ANKFN1: variants seen among roughly 807,000 people sequenced by gnomAD.
ANKFN1 encodes the protein ankyrin repeat and fibronectin type III domain containing 1.
A neutral mutation model predicts 108.7 loss-of-function variants in ANKFN1; 74 were observed. The observed-to-expected ratio is 0.68, with a 90% CI of 0.56 to 0.83. ANKFN1 has a LOEUF of 0.83. Ranked by LOEUF, ANKFN1 falls within the 40% of genes least tolerant of loss-of-function variation. The probability of loss-of-function intolerance (pLI) is 0.00; values close to 1 mark genes in which losing one functional copy is unlikely to be tolerated. For missense variants in ANKFN1, 1,505 were observed against 1,382.3 expected (o/e 1.09, Z -1.41); for synonymous variants, 547 against 516.2 (o/e 1.06, Z -0.81).
Position 56,350,918 on chromosome 17 carries a change from C to T in ANKFN1, c.341C>T (p.Ala114Val), listed in dbSNP as rs2046231684. 3 of 1,613,610 alleles carry T rather than the reference C, an allele frequency of 1.9e-6. No individual in the cohort carries two copies. Among genetic ancestry groups the T allele is most frequent in the Admixed American group, 1.7e-5 (1 of 59,904 alleles). Residue 114 changes from alanine (A) to valine (V), a missense_variant, in exon 5 of 21, where the codon GCC (alanine) becomes GTC (valine). Transcript: ENST00000682825. ...GGGAGCCACTCTTCCTTCGATGAGG[C>T]CTATTTTAGGACAAGAACTGATCGG... ...LKGSHSSFDE[A>V]YFRTRTDRLS...
chr17:56,377,736 C>A (rs2144794806), intron 8 of ANKFN1, among the ~76,000 whole-genome samples: 2 of 152,320 alleles, frequency 1.3e-5, no homozygotes, highest in Middle Eastern at 3.4e-3. Flanking sequence ...AAAACATTTG[C>A]AAAAGTGATT....
intron 4 of ANKFN1, among the ~76,000 whole-genome samples, chr17:56,124,090 T>C (rs1374406675): frequency 1.1e-4 from 16 of 152,118 alleles, no homozygotes; most frequent in Admixed American, 9.8e-4. Flanking sequence ...AACTCTAAGG[T>C]CCATGTAAAT....
At chr17:56,214,181 G>T (rs1245395076) in intron 2 of ANKFN1, among the ~76,000 whole-genome samples, 1 of 152,182 alleles carries the variant, frequency 6.6e-6, no homozygotes, top group African/African-American at 2.4e-5. Flanking sequence ...AGGTCTCTTT[G>T]TCATATCCTG....
intron 1 of ANKFN1, among the ~76,000 whole-genome samples, chr17:56,181,735 T>C (rs1432278505): frequency 1.3e-5 from 2 of 152,206 alleles, no homozygotes; most frequent in Non-Finnish European, 2.9e-5. Context: ...TACGTATATA[T>C]GTTTTTATAT....
chr17:56,503,133 C>T (rs550730516), intron 20 of ANKFN1, among the ~76,000 whole-genome samples: 129 of 3,396 alleles, frequency 0.038, no homozygotes, highest in African/African-American at 0.14. Flanking sequence ...CAGGCAGCAG[C>T]AATTTTTTTT....
intron 16 of ANKFN1, among the ~76,000 whole-genome samples, chr17:56,478,450 T>C (rs1188055839): frequency 6.6e-6 from 1 of 152,202 alleles, no homozygotes; most frequent in East Asian, 1.9e-4. Flanking sequence ...TCTAACCCTC[T>C]GGCCTGAGGA....
chr17:56,292,729 GA>G (rs150020275), intron 3 of ANKFN1, among the ~76,000 whole-genome samples: 340 of 150,548 alleles, frequency 2.3e-3, no homozygotes, highest in South Asian at 5.9e-3. Flanking sequence ...GATTTAGGGG[GA>G]AAAAAAAACC....
At chr17:56,159,033 CAAAAAAAAAAA>C (rs57878541) in intron 1 of ANKFN1, among the ~76,000 whole-genome samples, 1 of 71,016 alleles carries the variant, frequency 1.4e-5, no homozygotes, top group Admixed American at 2.0e-4. Flanking sequence ...TGGTCTAGGC[CAAAAAAAAAAA>C]AAAAAAAAAA....
chr17:56,286,113 C>T (rs2044210329), intron 3 of ANKFN1, among the ~76,000 whole-genome samples: 1 of 152,154 alleles, frequency 6.6e-6, no homozygotes, highest in African/African-American at 2.4e-5. Context: ...GCTGGTCCAT[C>T]CTTCAAGTCT....
At position 56,466,520 on chromosome 17, in the gene ANKFN1, A is replaced by G. The variant is rs1268137482; in HGVS notation, c.1722A>G (p.Leu574=). 4.3e-6 allele frequency: 7 copies of G among 1,613,918 alleles called. No homozygotes were observed. The highest frequency in any genetic ancestry group is 1.3e-5 in the African/African-American group (1 of 74,930). Residue 574 remains leucine (L), a synonymous_variant, in exon 15 of 21, where the codon CTA becomes CTG. Coordinates refer to ENST00000682825, the MANE Select transcript of ANKFN1 (RefSeq NM_001370326.1). ...AGCTGCAAAGCCAGAGAAAGTCTCT[A>G]TCAACACCTGAGGAGCCAACAGCTT... is the stretch of plus-strand genomic sequence containing the variant. ...ISKLQSQRKS[L]STPEEPTALD...
At chr17:56,436,034 G>A (rs1026204217) in intron 8 of ANKFN1, among the ~76,000 whole-genome samples, 2 of 152,046 alleles carry the variant, frequency 1.3e-5, no homozygotes, top group African/African-American at 4.8e-5. Flanking sequence ...CCTCAGGGTG[G>A]CAGGGCCAGG....
chr17:56,259,944 A>C (rs954563411), intron 3 of ANKFN1, among the ~76,000 whole-genome samples: 1 of 150,496 alleles, frequency 6.6e-6, no homozygotes, highest in East Asian at 1.9e-4. Context: ...ACACACACAC[A>C]CACTCTTTTC....
intron 9 of ANKFN1, among the ~76,000 whole-genome samples, chr17:56,442,304 C>T (rs962909515): frequency 2.6e-5 from 4 of 152,046 alleles, no homozygotes; most frequent in Non-Finnish European, 2.9e-5. Context: ...TACATGATAC[C>T]GAATATTTGC....
intron 15 of ANKFN1, among the ~76,000 whole-genome samples, chr17:56,467,608 T>G: frequency 8.3e-6 from 1 of 120,988 alleles, no homozygotes; most frequent in Admixed American, 8.7e-5. Flanking sequence ...ACCAGGGAGG[T>G]GGAGGTTGCA....
intron 1 of ANKFN1, among the ~76,000 whole-genome samples, chr17:56,156,868 AGG>A (rs1909168106): frequency 1.3e-5 from 2 of 152,358 alleles, no homozygotes; most frequent in South Asian, 4.1e-4. Flanking sequence ...CTTTCACACC[AGG>A]GCAGCAGAGT....
intron 20 of ANKFN1, 109 bp from the exon 21 acceptor site, chr17:56,510,364 G>A: frequency 1.0e-6 from 1 of 955,756 alleles, no homozygotes; most frequent in Non-Finnish European, 1.5e-6. Context: ...GGCATTAAAC[G>A]AAGCACAGGC....
chr17:56,491,829 T>C (rs924053202), intron 18 of ANKFN1, among the ~76,000 whole-genome samples: 3 of 152,184 alleles, frequency 2.0e-5, no homozygotes, highest in Admixed American at 6.5e-5. Context: ...TTGGCTTTTT[T>C]TCTTTAAAGT....
At chr17:56,467,049 C>T (rs1476046564) in intron 15 of ANKFN1, among the ~76,000 whole-genome samples, 2 of 152,000 alleles carry the variant, frequency 1.3e-5, no homozygotes, top group African/African-American at 2.4e-5. Flanking sequence ...ACCTGGGAGG[C>T]GGGTTGCAGT....
intron 4 of ANKFN1, among the ~76,000 whole-genome samples, chr17:56,332,421 T>G (rs1414748292): frequency 6.6e-6 from 1 of 152,180 alleles, no homozygotes; most frequent in African/African-American, 2.4e-5. Flanking sequence ...GTTTTAGCTT[T>G]TACATTTAGG....
Sources: allele counts gnomAD v4.1 joint callset (sites outside exome capture counted in the v4.1 genomes callset), GRCh38; gene constraint gnomAD v4.1.1; transcripts MANE v1.5; gene names NCBI Gene and HGNC (gene_info 2026-07-23, HGNC 2026-07-21).